Variants in PCSK5 observed in about 807,000 individuals in gnomAD.
PCSK5 encodes prohormone convertase 5.
A neutral mutation model predicts 233.2 loss-of-function variants in PCSK5; 129 were observed. The ratio of observed to expected loss-of-function variants is 0.55; its 90% CI spans 0.48 to 0.64. The LOEUF (loss-of-function observed/expected upper bound fraction) is 0.64, where lower values mean the gene tolerates loss of function less well. PCSK5 is among the 30% of genes least tolerant of loss of function. The pLI is 0.00. For missense variants in PCSK5, 2,076 were observed against 2,430.1 expected, an observed-to-expected ratio of 0.85 and a Z score of 3.06; for synonymous variants, 825 against 879.2, an observed-to-expected ratio of 0.94 and a Z score of 1.09.
intron 3 of PCSK5, among the ~76,000 whole-genome samples, chr9:76,008,156 A>G (rs1329878950): frequency 6.6e-6 from 1 of 151,366 alleles, no homozygotes; most frequent in Non-Finnish European, 1.5e-5. Flanking sequence ...GCTTCCTTTT[A>G]CTTTTCTGCT....
At chr9:76,287,423 C>A in intron 24 of PCSK5, 1 of 164,280 alleles carries the variant, frequency 6.1e-6, no homozygotes, top group South Asian at 1.7e-4. Flanking sequence ...GTGTAGTACT[C>A]TTCTCTTCTC....
intron 10 of PCSK5, among the ~76,000 whole-genome samples, chr9:76,138,974 T>C (rs925765752): frequency 1.3e-5 from 2 of 152,048 alleles, no homozygotes; most frequent in African/African-American, 4.8e-5. Flanking sequence ...TACTAGATTT[T>C]TTTTTTTTAA....
intron 1 of PCSK5, among the ~76,000 whole-genome samples, chr9:75,929,739 C>T (rs1211993987): frequency 6.6e-6 from 1 of 152,142 alleles, no homozygotes; most frequent in African/African-American, 2.4e-5. Context: ...TACAGTTCCA[C>T]GTAGCTGGGG....
chr9:76,340,649 A>AC (rs1185230160), intron 35 of PCSK5, among the ~76,000 whole-genome samples: 2 of 151,486 alleles, frequency 1.3e-5, no homozygotes, highest in African/African-American at 2.4e-5. Context: ...CAAAAAAAAA[A>AC]AAAAAAAAAA....
chr9:76,348,384 C>A (rs993691492), intron 35 of PCSK5, among the ~76,000 whole-genome samples: 1 of 151,980 alleles, frequency 6.6e-6, no homozygotes, highest in Non-Finnish European at 1.5e-5. Flanking sequence ...GCACTCCAGC[C>A]TGGGTGACAA....
At chr9:76,298,650 T>TA (rs11380911) in intron 27 of PCSK5, among the ~76,000 whole-genome samples, 107,916 of 151,600 alleles carry the variant, frequency 0.71, 38,924 homozygotes, top group East Asian at 0.94. Context: ...TTCTTTTGCT[T>TA]AAAAAAAACA....
intron 2 of PCSK5, among the ~76,000 whole-genome samples, chr9:75,976,210 C>T (rs1264727822): frequency 1.3e-5 from 2 of 151,554 alleles, no homozygotes; most frequent in East Asian, 1.9e-4. Flanking sequence ...AATGAGTTCT[C>T]ATCACTGGCT....
chr9:76,340,503 G>A (rs1420893335), intron 35 of PCSK5, among the ~76,000 whole-genome samples: 1 of 151,894 alleles, frequency 6.6e-6, no homozygotes, highest in Non-Finnish European at 1.5e-5. Context: ...AAATTAGCCA[G>A]GCGTAGTGGC....
chr9:76,315,783 C>T (rs1587316664), intron 30 of PCSK5, among the ~76,000 whole-genome samples: 1 of 151,750 alleles, frequency 6.6e-6, no homozygotes, highest in Non-Finnish European at 1.5e-5. Flanking sequence ...CAGGCGCCCA[C>T]CATCAAGCTC....
intron 10 of PCSK5, among the ~76,000 whole-genome samples, chr9:76,136,576 G>T (rs1430268066): frequency 6.6e-6 from 1 of 151,982 alleles, no homozygotes; most frequent in Non-Finnish European, 1.5e-5. Context: ...GAAGTGTGTG[G>T]TCCTGGGTGC....
chr9:76,151,194 T>C (rs1823659726), intron 10 of PCSK5, among the ~76,000 whole-genome samples: 1 of 152,078 alleles, frequency 6.6e-6, no homozygotes, highest in Non-Finnish European at 1.5e-5. Context: ...AGCAGGTGGT[T>C]CAGCACATTG....
chr9:75,976,238 A>G (rs1240403443), intron 2 of PCSK5, among the ~76,000 whole-genome samples: 1 of 141,518 alleles, frequency 7.1e-6, no homozygotes, highest in Non-Finnish European at 1.5e-5. Context: ...TTAATACCCA[A>G]CCCCCTACTT....
At chr9:75,892,552 C>T (rs1825657108) in intron 1 of PCSK5, among the ~76,000 whole-genome samples, 1 of 152,236 alleles carries the variant, frequency 6.6e-6, no homozygotes, top group Non-Finnish European at 1.5e-5. Flanking sequence ...TGCACGCACC[C>T]TGCGTGCTCT....
chr9:76,091,403 G>C (rs976054261), intron 7 of PCSK5, among the ~76,000 whole-genome samples: 1 of 152,094 alleles, frequency 6.6e-6, no homozygotes, highest in Non-Finnish European at 1.5e-5. Flanking sequence ...AGTCCTGTGC[G>C]GCCCCACACT....
intron 24 of PCSK5, among the ~76,000 whole-genome samples, chr9:76,270,869 G>A (rs1401315532): frequency 6.6e-6 from 1 of 152,120 alleles, no homozygotes; most frequent in Non-Finnish European, 1.5e-5. Flanking sequence ...GAAAATCATA[G>A]GAAGAGAAGT....
At chr9:76,246,678 A>G (rs1338518025) in intron 24 of PCSK5, among the ~76,000 whole-genome samples, 1 of 152,216 alleles carries the variant, frequency 6.6e-6, no homozygotes, top group African/African-American at 2.4e-5. Context: ...AACAACCTAA[A>G]TGCTTGTCCA....
intron 10 of PCSK5, among the ~76,000 whole-genome samples, chr9:76,149,427 A>G (rs1823575904): frequency 6.6e-6 from 1 of 152,328 alleles, no homozygotes; most frequent in African/African-American, 2.4e-5. Flanking sequence ...CTATTCCCTT[A>G]TCTTAGGAGA....
At position 76,179,598 on chromosome 9, in the gene PCSK5, C is replaced by A; in HGVS notation, c.1903C>A (p.Pro635Thr). 1 of 1,612,072 alleles carries A rather than the reference C, an allele frequency of 6.2e-7. No individual in the cohort carries two copies. The highest frequency in any genetic ancestry group is 1.1e-5 in the South Asian group (1 of 91,024). Reference sequence around the variant, plus strand: ...TTGTTCTAATGTCTTTTGGAAAGGTCCCTGCGACCCTGAGTGCAGTGAGGT... The same window carrying A: ...TTGTTCTAATGTCTTTTGGAAAGGTACCTGCGACCCTGAGTGCAGTGAGGT... ...DDYGTEDYAG[P>T]CDPECSEVGC... The change falls in exon 15 of 38, where the codon CCC (proline) becomes ACC (threonine). Residue 635 changes from proline to threonine, a missense_variant and splice_region_variant. Pro to Thr is a conservative substitution (Grantham distance 38, BLOSUM62 -1). Around this residue, in one of 6 missense-constraint regions of PCSK5, gnomAD observed 84 missense variants for 108.8 expected, o/e 0.77. Transcript: ENST00000674117.
chr9:76,027,202 G>T (rs1457906080), intron 5 of PCSK5, among the ~76,000 whole-genome samples, 165 bp downstream of exon 5: 1 of 152,092 alleles, frequency 6.6e-6, no homozygotes, highest in Non-Finnish European at 1.5e-5. Flanking sequence ...TAAGAAAAAA[G>T]GGGTGGTCCA....
Sources: allele counts gnomAD v4.1 joint callset (sites outside exome capture counted in the v4.1 genomes callset), GRCh38; gene constraint gnomAD v4.1.1; regional missense constraint gnomAD v4.1.1; transcripts MANE v1.5; gene names NCBI Gene and HGNC (gene_info 2026-07-23, HGNC 2026-07-21).